MED14: variants seen among roughly 807,000 people sequenced by gnomAD.
MED14 encodes the protein mediator of RNA polymerase II transcription subunit 14.
MED14 carries 8 observed loss-of-function variants against 109.0 expected under a neutral mutation model. The ratio of observed to expected loss-of-function variants is 0.07; its 90% CI spans 0.04 to 0.13. The LOEUF is 0.13. MED14 is among the 10% of genes least tolerant of loss of function. The pLI is 1.00. For synonymous variants in MED14, 399 were observed against 408.7 expected, an observed-to-expected ratio of 0.98 and a Z score of 0.29; for missense variants, 711 against 1,142.4, an observed-to-expected ratio of 0.62 and a Z score of 5.44.
chrX:40,669,568 TC>T (rs993194844), intron 23 of MED14, among the ~76,000 whole-genome samples: 3 of 111,773 alleles, frequency 2.7e-5, no homozygotes, highest in Admixed American at 9.5e-5. Context: ...TCAAGAGAAC[TC>T]CCCCCTCCTT....
chrX:40,728,993 T>C (rs1931991012), intron 2 of MED14, among the ~76,000 whole-genome samples: 1 of 111,595 alleles, frequency 9.0e-6, no homozygotes, highest in Non-Finnish European at 1.9e-5. Flanking sequence ...CAGTCAACTT[T>C]CTAAAGCCAG....
chrX:40,692,060 C>T, intron 15 of MED14, 123 bp downstream of exon 15: 1 of 601,274 alleles, frequency 1.7e-6, no homozygotes, highest in African/African-American at 2.2e-5. Context: ...TACCACTCCT[C>T]CCAAAATGAA....
chrX:40,716,691 T>C (rs1363372066), intron 3 of MED14, among the ~76,000 whole-genome samples: 3 of 110,871 alleles, frequency 2.7e-5, no homozygotes, highest in Admixed American at 1.9e-4. Flanking sequence ...GAAATCAGCA[T>C]ACCAAAAAGA....
chrX:40,702,341 G>GTTT (rs1384806028), intron 11 of MED14, among the ~76,000 whole-genome samples: 8 of 83,727 alleles, frequency 9.6e-5, no homozygotes, highest in African/African-American at 4.3e-4. Flanking sequence ...TTAAATATAA[G>GTTT]TTTTGTTTTT....
At chrX:40,728,602 G>C (rs1360870743) in intron 2 of MED14, among the ~76,000 whole-genome samples, 2 of 110,387 alleles carry the variant, frequency 1.8e-5, no homozygotes, top group African/African-American at 6.6e-5. Context: ...ATATACTTTA[G>C]TTACAATTTA....
In MED14 at chrX:40,649,758, A is replaced by G. The variant is rs1367420576; in HGVS notation, c.*2048T>C. The G allele has an allele frequency of 5.4e-5, 44 of 820,102 alleles. No homozygotes were observed. Among genetic ancestry groups the G allele is most frequent in the East Asian group, 2.7e-4 (2 of 7,535 alleles). The allele number at this position is 820,102 out of a possible 1,213,427, so 67.6% of individuals were successfully genotyped here. A position where few individuals can be genotyped will look rare whatever the true frequency, so the allele number is the denominator to read the frequency against. ...ATGTTTTCAAGCTTTAATAAGGTAT[A>G]TATCAATTCCAAGTACCAAGCATAA... On this transcript the variant is annotated 3_prime_UTR_variant, in exon 31 of 31. Transcript: ENST00000324817.
In MED14 at chrX:40,692,724, G is replaced by A. The variant is rs778106136; in HGVS notation, c.1829C>T (p.Thr610Ile). The part of the protein sequence containing the change: ...FRTKTGKQTR[T>I]NAKRKLSDDP... ...GAATCATACCTTGCGCTTGGCATTG[G>A]TTCTGGTCTGTTTCCCGGTTTTTGT... Residue 610 changes from threonine (T) to isoleucine (I), a missense_variant, in exon 14 of 31, where the codon ACC becomes ATC. Thr to Ile is a moderately conservative substitution (Grantham distance 89, BLOSUM62 -1). Transcript: ENST00000324817. 35 of 1,208,216 alleles carry A rather than the reference G, an allele frequency of 2.9e-5. No individual in the cohort carries two copies. Among genetic ancestry groups the A allele is most frequent in the Admixed American group, 1.8e-4 (8 of 45,188 alleles).
At position 40,735,396 on chromosome X, in the gene MED14, A is replaced by T; in HGVS notation, c.17T>A (p.Leu6Gln). 2.8e-6 allele frequency: 3 copies of T among 1,085,455 alleles called. No individual in the cohort carries two copies. Among genetic ancestry groups the T allele is most frequent in the Non-Finnish European group, 3.6e-6 (3 of 837,351 alleles). 89.5% of individuals were successfully genotyped at this position (1,085,455 alleles called of 1,213,427 possible). A position where few individuals can be genotyped will look rare whatever the true frequency, so the allele number is the denominator to read the frequency against. Residue 6 changes from leucine (L) to glutamine (Q), a missense_variant, in exon 1 of 31, where the codon CTG becomes CAG. This residue lies in a region of MED14 where 62 missense variants were observed against 55.2 expected (regional missense o/e 1.12). Transcript: ENST00000324817. MAPVQ[L>Q]ENHQLVPPGG... ...GGGCGGGACCAGCTGGTGGTTCTCC[A>T]GCTGCACTGGGGCCATGGCGGCGCA...
intron 28 of MED14, among the ~76,000 whole-genome samples, chrX:40,656,350 C>T (rs777986113): frequency 8.9e-6 from 1 of 111,958 alleles, no homozygotes; most frequent in Non-Finnish European, 1.9e-5. Flanking sequence ...GGGCTAACTT[C>T]GCTAATGTAC....
intron 28 of MED14, 54 bp from the exon 29 acceptor site, chrX:40,655,114 T>G (rs776609795): frequency 1.3e-5 from 15 of 1,132,494 alleles, no homozygotes; most frequent in Admixed American, 4.6e-5. Flanking sequence ...TAAAATCATA[T>G]TCTAGGTAGG....
chrX:40,704,442 C>T (rs188273642), intron 10 of MED14, among the ~76,000 whole-genome samples: 10 of 112,024 alleles, frequency 8.9e-5, no homozygotes, highest in East Asian at 2.8e-4. Context: ...ACGTGGCAGG[C>T]GCAGAGGGGA....
intron 10 of MED14, among the ~76,000 whole-genome samples, chrX:40,704,924 T>A (rs1338715176): frequency 2.7e-5 from 3 of 111,204 alleles, no homozygotes; most frequent in Non-Finnish European, 5.7e-5. Context: ...GCCCAACCAG[T>A]AAGTACAAAT....
At chrX:40,729,206 A>C (rs1307839773) in intron 2 of MED14, 113 bp downstream of exon 2, 2 of 663,878 alleles carry the variant, frequency 3.0e-6, no homozygotes, top group African/African-American at 2.3e-5. Context: ...ATCATTCTAG[A>C]CTCTTTGGGC....
chrX:40,680,963 T>C (rs777613978), intron 19 of MED14, 53 bp from the exon 20 acceptor site: 6 of 867,404 alleles, frequency 6.9e-6, no homozygotes, highest in South Asian at 5.5e-5. Context: ...CAGATTCAAG[T>C]AGGAGAAAAA....
At chrX:40,673,453 C>G (rs1390746198) in intron 22 of MED14, among the ~76,000 whole-genome samples, 1 of 112,056 alleles carries the variant, frequency 8.9e-6, no homozygotes, top group East Asian at 2.8e-4. Flanking sequence ...CTGCCTTAGC[C>G]TGCAACTATT....
chrX:40,678,719 T>C (rs936939438), intron 21 of MED14, among the ~76,000 whole-genome samples: 2 of 109,382 alleles, frequency 1.8e-5, no homozygotes, highest in African/African-American at 3.3e-5. Context: ...GGTGGGAGGA[T>C]GGATTTAGCC....
chrX:40,660,479 G>T (rs1038499342), intron 26 of MED14, among the ~76,000 whole-genome samples: 16 of 112,148 alleles, frequency 1.4e-4, no homozygotes, highest in African/African-American at 4.2e-4. Context: ...AAAGTTGCAG[G>T]TTTTATGCAC....
At chrX:40,658,240 C>G (rs909888084) in intron 28 of MED14, among the ~76,000 whole-genome samples, 1 of 110,280 alleles carries the variant, frequency 9.1e-6, no homozygotes, top group African/African-American at 3.3e-5. Context: ...ACAGGCTGTG[C>G]CGCCATGCCT....
rs6651739 is a variant in MED14 at position 40,650,742 on chromosome X, G to A, written c.*1064C>T. 414 of 752,153 alleles carry A rather than the reference G, an allele frequency of 5.5e-4. 1 individual carries two copies. In the African/African-American group the frequency reaches 8.5e-3, roughly 15 times the overall value. The allele number at this position is 752,153 out of a possible 1,213,427, so 62.0% of individuals were successfully genotyped here. The stretch of plus-strand genomic sequence containing the variant: ...TTTCTTCCAAGCAAAACATTCTATC[G>A]TTTTGTTGACAATGAATTAAATTGA... On this transcript the variant is annotated 3_prime_UTR_variant, in exon 31 of 31. Coordinates refer to ENST00000324817, the MANE Select transcript of MED14 (RefSeq NM_004229.4).
Sources: allele counts gnomAD v4.1 joint callset (sites outside exome capture counted in the v4.1 genomes callset), GRCh38; gene constraint gnomAD v4.1.1; regional missense constraint gnomAD v4.1.1; transcripts MANE v1.5; gene names NCBI Gene and HGNC (gene_info 2026-07-23, HGNC 2026-07-21).